ACD: variants seen among roughly 807,000 people sequenced by gnomAD.
The protein encoded by ACD is adrenocortical dysplasia protein homolog.
ACD carries 39 observed loss-of-function variants against 53.9 expected under a neutral mutation model. The observed-to-expected ratio is 0.72, with a 90% CI of 0.56 to 0.95. ACD has a LOEUF of 0.95. ACD is among the 40% of genes least tolerant of loss of function. The pLI is 0.00. For synonymous variants in ACD, 273 were observed against 249.2 expected (o/e 1.10, Z -0.90); for missense variants, 526 against 587.9 (o/e 0.89, Z 1.09).
chr16:67,658,427 A>G, intron 9 of ACD, 65 bp from the exon 10 acceptor site: 1 of 1,610,334 alleles, frequency 6.2e-7, no homozygotes, highest in Non-Finnish European at 8.5e-7. Flanking sequence ...GTGGCCTGCG[A>G]GCTCAGACAG....
chr16:67,659,345 C>A, intron 5 of ACD, 30 bp downstream of exon 5: 2 of 1,614,074 alleles, frequency 1.2e-6, no homozygotes, highest in Non-Finnish European at 1.7e-6. Flanking sequence ...CCAAACAACA[C>A]GTGGCCCCCG....
chr16:67,659,176 C>G, intron 6 of ACD, 53 bp downstream of exon 6: 1 of 1,613,222 alleles, frequency 6.2e-7, no homozygotes, highest in East Asian at 2.2e-5. Flanking sequence ...AAGGTTAAGG[C>G]TGGAGAGATC....
rs14920 is a variant in ACD at position 67,657,612 on chromosome 16, C to T, written c.1371G>A (p.Pro457=). The T allele has an allele frequency of 8.7e-6, 14 of 1,614,042 alleles. No individual in the cohort carries two copies. The highest frequency in any genetic ancestry group is 2.2e-5 in the East Asian group (1 of 44,898). Residue 457 remains proline, a synonymous_variant, in exon 12 of 12, where the codon CCG becomes CCA. Coordinates refer to ENST00000620761, the MANE Select transcript of ACD (RefSeq NM_001082486.2). The surrounding 1 kb of genome is among the most constrained non-coding windows in gnomAD (Gnocchi z 4.5). The part of the protein sequence containing the change: ...MDAQPGSEPT[P]M ...ATCTGTCCTGCGTGACGTCTCACAT[C>T]GGAGTTGGCTCAGACCCTGGCTGTG...
In ACD at chr16:67,658,259, G is replaced by T; in HGVS notation, c.933C>A (p.Ser311Arg). Reference protein sequence around the residue: ...SLAAPDPGQRSSSQPSPAICS... With the variant: ...SLAAPDPGQRRSSQPSPAICS... ...AGATGGCTGGTGAGGGCTGGGAGCT[G>T]CTTCTCTGCCCTGGGTCTGGAGCAG... The change falls in exon 10 of 12, where the codon AGC becomes AGA. Residue 311 changes from serine to arginine, a missense_variant. Physicochemically the swap from Ser to Arg is moderately radical, Grantham distance 110. Transcript: ENST00000620761. The T allele has an allele frequency of 6.2e-7, 1 of 1,613,624 alleles. No individual in the cohort carries two copies. The highest frequency in any genetic ancestry group is 8.5e-7 in the Non-Finnish European group (1 of 1,180,006).
rs751515020 is a variant in ACD, at chr16:67,658,331, G to A, written c.861C>T (p.Ser287=). Residue 287 remains serine, a synonymous_variant, in exon 10 of 12, where the codon TCC becomes TCT. Coordinates refer to ENST00000620761, the MANE Select transcript of ACD (RefSeq NM_001082486.2). The part of the protein sequence containing the change: ...GTPALPGHMS[S]EESGTSISLL... ...GGCTGATGCTGGTACCACTTTCCTC[G>A]GATGACATGTGGCCGGGTAAGGCCG... is the stretch of plus-strand genomic sequence containing the variant. The A allele has an allele frequency of 2.9e-5, 46 of 1,613,702 alleles. No individual in the cohort carries two copies. The East Asian group carries it at 4.2e-4, about 15-fold the overall frequency.
At chr16:67,658,436 A>AG in intron 9 of ACD, 74 bp from the exon 10 acceptor site, 1 of 1,608,070 alleles carries the variant, frequency 6.2e-7, no homozygotes, top group African/African-American at 1.3e-5. Flanking sequence ...GAGCTCAGAC[A>AG]GGACTGCAGG....
At chr16:67,658,857 C>T (rs2052933484) in intron 7 of ACD, 41 bp from the exon 8 acceptor site, 2 of 1,602,756 alleles carry the variant, frequency 1.2e-6, no homozygotes, top group Middle Eastern at 1.7e-4. Flanking sequence ...CGTTTACTCT[C>T]ATGTCCTGTG....
In ACD at chr16:67,659,756, C is replaced by G; in HGVS notation, c.282G>C (p.Arg94=). Residue 94 remains arginine (R), a synonymous_variant, in exon 3 of 12, where the codon CGG becomes CGC. Coordinates refer to ENST00000620761, the MANE Select transcript of ACD (RefSeq NM_001082486.2). ...KEFGFRGTEG[R]LLLLQDCGVH... is the part of the protein sequence containing the mutation. ...CCCCGCAGTCCTGCAGCAGCAGCAG[C>G]CGGCCCTCTGTCCCGCGGAAGCCGA... 1.2e-6 allele frequency: 2 copies of G among 1,612,564 alleles called. No homozygotes were observed. The highest frequency in any genetic ancestry group is 1.7e-6 in the Non-Finnish European group (2 of 1,179,334).
At position 67,658,848 on chromosome 16, in the gene ACD, G is replaced by A. The variant is rs371909140; in HGVS notation, c.646-32C>T. On this transcript the variant is annotated intron_variant, in intron 7 of 11. Transcript: ENST00000620761. ...GACATGAACTCTGTAGGACAGGCCC[G>A]TTTACTCTCATGTCCTGTGGGATAT... 334 of 1,602,034 alleles carry A rather than the reference G, an allele frequency of 2.1e-4. No homozygotes were observed. The highest frequency in any genetic ancestry group is 2.5e-4 in the Non-Finnish European group (291 of 1,171,086).
chr16:67,657,703 T>C lies in ACD; in HGVS notation c.1299-19A>G, dbSNP rs371670166. 3.1e-6 allele frequency: 5 copies of C among 1,614,098 alleles called. No individual in the cohort carries two copies. The highest frequency in any genetic ancestry group is 3.3e-4 in the Middle Eastern group (2 of 6,062). ...AGGAAGCCTGGAAAGAAACCACCGC[T>C]GCAGGTCAATGGAGCCTGGGACTAG... On this transcript the variant is annotated intron_variant, in intron 11 of 11. Transcript: ENST00000620761. The surrounding 1 kb of genome is among the most constrained non-coding windows in gnomAD (Gnocchi z 4.5).
chr16:67,659,458 C>A (rs779585739), intron 4 of ACD, 39 bp from the exon 5 acceptor site: 1 of 1,613,944 alleles, frequency 6.2e-7, no homozygotes, highest in Non-Finnish European at 8.5e-7. Flanking sequence ...GGGCCCAAGC[C>A]CTCCTACCCC....
Position 67,658,207 on chromosome 16 carries a change from TGGGGGTCAG to T in ACD, c.976_984del (p.Leu326_Pro328del). The T allele has an allele frequency of 6.2e-7, 1 of 1,612,752 alleles. No homozygotes were observed. Among genetic ancestry groups the T allele is most frequent in the Non-Finnish European group, 8.5e-7 (1 of 1,179,706 alleles). On this transcript the variant is annotated inframe_deletion, in exon 10 of 12. Coordinates refer to ENST00000620761, the MANE Select transcript of ACD (RefSeq NM_001082486.2). ...GGGGTACGGCTGGCGTGTGGGGACC[TGGGGGTCAG>T]GGTGGCAGGGGCTGAGCAGATGGCT...
In ACD at chr16:67,657,544, T is replaced by C. The variant is rs1597766482; in HGVS notation, c.*62A>G. On this transcript the variant is annotated 3_prime_UTR_variant, in exon 12 of 12. Transcript: ENST00000620761. The surrounding 1 kb of genome is among the most constrained non-coding windows in gnomAD (Gnocchi z 4.5). The stretch of plus-strand genomic sequence containing the variant: ...TCCTCTCCTCTCCTGCCGCATGAGA[T>C]TATTTTATTAAAAAACTCAAAGGAA... 6.2e-7 allele frequency: 1 copy of C among 1,613,754 alleles called. No individual in the cohort carries two copies. The highest frequency in any genetic ancestry group is 2.2e-5 in the East Asian group (1 of 44,880).
chr16:67,660,236 C>G lies in ACD; in HGVS notation c.-16G>C, dbSNP rs758017018. 6.2e-7 allele frequency: 1 copy of G among 1,612,672 alleles called. No homozygotes were observed. The highest frequency in any genetic ancestry group is 1.1e-5 in the South Asian group (1 of 91,084). On this transcript the variant is annotated 5_prime_UTR_variant, in exon 1 of 12. Coordinates refer to ENST00000620761, the MANE Select transcript of ACD (RefSeq NM_001082486.2). Reference sequence around the variant, plus strand: ...AACCTGCCATCCCCACGGCTACACCCAGCGGATGCAACGGGCCCGGGTTTC... The same window carrying G: ...AACCTGCCATCCCCACGGCTACACCGAGCGGATGCAACGGGCCCGGGTTTC...
In ACD at chr16:67,657,700, C is replaced by G; in HGVS notation, c.1299-16G>C. 2 of 1,614,110 alleles carry G rather than the reference C, an allele frequency of 1.2e-6. No homozygotes were observed. Among genetic ancestry groups the G allele is most frequent in the Non-Finnish European group, 1.7e-6 (2 of 1,180,030 alleles). On this transcript the variant is annotated splice_polypyrimidine_tract_variant and intron_variant, in intron 11 of 11. Transcript: ENST00000620761. The surrounding 1 kb of genome is among the most constrained non-coding windows in gnomAD (Gnocchi z 4.5). ...GGGAGGAAGCCTGGAAAGAAACCAC[C>G]GCTGCAGGTCAATGGAGCCTGGGAC...
chr16:67,658,164 C>A lies in ACD; in HGVS notation c.1028G>T (p.Ser343Ile), dbSNP rs1280561217. The A allele has an allele frequency of 3.7e-6, 6 of 1,608,732 alleles. No homozygotes were observed. The highest frequency in any genetic ancestry group is 3.3e-5 in the South Asian group (3 of 90,380). Residue 343 changes from serine to isoleucine, a missense_variant, in exon 10 of 12, where the codon AGC (serine) becomes ATC (isoleucine). Ser to Ile is a moderately radical substitution (Grantham distance 142, BLOSUM62 -2). Coordinates refer to ENST00000620761, the MANE Select transcript of ACD (RefSeq NM_001082486.2). ...ASRTPSSPLQ[S>I]CTPSLSPRSH... ...ACGGGGTGAGAGACTGGGAGTGCAGCTCTGGAGTGGGGAGCTGGGGGTACG... is the reference window on the plus strand; with the variant it reads ...ACGGGGTGAGAGACTGGGAGTGCAGATCTGGAGTGGGGAGCTGGGGGTACG...
Position 67,658,544 on chromosome 16 carries a change from C to T in ACD, c.829+11G>A, listed in dbSNP as rs778449742. ...CGGCAGTGAGTGCCTGTGACCTGTG[C>T]ATCACCTCACCTGAGGAACTGGGTG... On this transcript the variant is annotated intron_variant, in intron 9 of 11. Transcript: ENST00000620761. 43 of 1,567,296 alleles carry T rather than the reference C, an allele frequency of 2.7e-5. No individual in the cohort carries two copies. The highest frequency in any genetic ancestry group is 1.8e-4 in the South Asian group (15 of 82,434).
At position 67,657,576 on chromosome 16, in the gene ACD, T is replaced by G. The variant is rs954935351; in HGVS notation, c.*30A>C. 6.2e-7 allele frequency: 1 copy of G among 1,613,800 alleles called. No individual in the cohort carries two copies. The highest frequency in any genetic ancestry group is 1.3e-5 in the African/African-American group (1 of 74,854). ...ATTAAAAAACTCAAAGGAAGCAGAG[T>G]GTGGAGCGGTATCTGTCCTGCGTGA... On this transcript the variant is annotated 3_prime_UTR_variant, in exon 12 of 12. Coordinates refer to ENST00000620761, the MANE Select transcript of ACD (RefSeq NM_001082486.2). This position sits in a 1 kb window ranked among gnomAD's most constrained non-coding sequence, Gnocchi z 4.5.
intron 6 of ACD, 69 bp from the exon 7 acceptor site, chr16:67,659,148 A>G (rs533804108): frequency 3.0e-5 from 48 of 1,609,012 alleles, no homozygotes; most frequent in South Asian, 2.4e-4. Context: ...GGGGGAAGAC[A>G]GCTTATTGAG....
Sources: gnomAD v4.1 joint callset for allele counts on GRCh38, gnomAD v4.1.1 for gene constraint, Gnocchi (gnomAD v3.1) non-coding constraint, MANE v1.5 for transcripts, NCBI Gene and HGNC (gene_info 2026-07-23, HGNC 2026-07-21) for gene names.